GMFG: variants seen among roughly 807,000 people sequenced by gnomAD.
The protein encoded by GMFG is glia maturation factor gamma.
GMFG carries 21 observed loss-of-function variants against 26.1 expected under a neutral mutation model. The observed-to-expected ratio is 0.80, with a 90% CI of 0.57 to 1.16. GMFG has a LOEUF of 1.16. GMFG is among the 50% of genes most tolerant of loss of function. The pLI, the probability that GMFG is intolerant of heterozygous loss-of-function variation, is 0.00. For missense variants in GMFG, 161 were observed against 178.3 expected (o/e 0.90, Z 0.55); for synonymous variants, 65 against 60.8 (o/e 1.07, Z -0.32).
intron 6 of GMFG, 58 bp downstream of exon 6, chr19:39,328,942 A>G (rs1380675684): frequency 2.4e-6 from 3 of 1,236,868 alleles, no homozygotes; most frequent in Middle Eastern, 1.9e-4. Flanking sequence ...CTCTTCCCTC[A>G]GACCCAGGAC....
Position 39,336,027 on chromosome 19 carries a change from G to A in GMFG, c.-51C>T, listed in dbSNP as rs757388319. 15 of 1,549,478 alleles carry A rather than the reference G, an allele frequency of 9.7e-6. No individual in the cohort carries two copies. Among genetic ancestry groups the A allele is most frequent in the Non-Finnish European group, 1.3e-5 (15 of 1,121,662 alleles). On this transcript the variant is annotated 5_prime_UTR_variant, in exon 1 of 7. Coordinates refer to ENST00000597595, the MANE Select transcript of GMFG (RefSeq NM_004877.4). ...TTTTCTTAGTTCCGCTGTCTTCTAGGCGTGGGGACCGGGGCTGTAGGGGGG... is the reference window on the plus strand; with the variant it reads ...TTTTCTTAGTTCCGCTGTCTTCTAGACGTGGGGACCGGGGCTGTAGGGGGG...
At chr19:39,330,595 A>T (rs1385842943) in intron 4 of GMFG, among the ~76,000 whole-genome samples, 1 of 131,456 alleles carries the variant, frequency 7.6e-6, no homozygotes, top group Non-Finnish European at 1.6e-5. Context: ...TGCCCAGCTA[A>T]TTTTTTTTTT....
At chr19:39,332,620 C>T (rs2075231235) in intron 4 of GMFG, among the ~76,000 whole-genome samples, 1 of 144,246 alleles carries the variant, frequency 6.9e-6, no homozygotes, top group Non-Finnish European at 1.5e-5. Flanking sequence ...ACAAAAAGTT[C>T]TAGAGTATGA....
At chr19:39,335,344 C>G (rs780369417) in intron 2 of GMFG, 34 bp from the exon 3 acceptor site, 1 of 1,597,112 alleles carries the variant, frequency 6.3e-7, no homozygotes, top group South Asian at 1.1e-5. Context: ...ATTAGACACT[C>G]CCCCTGATCC....
At position 39,335,305 on chromosome 19, in the gene GMFG, C is replaced by T; in HGVS notation, c.106G>A (p.Val36Met). The change falls in exon 3 of 7, where the codon GTG becomes ATG. Residue 36 changes from valine (V) to methionine (M), a missense_variant. By Grantham distance (21) the Val-to-Met change is conservative. Transcript: ENST00000597595. ...ETDNAAIIMK[V>M]DKDRQMVVLE... The stretch of plus-strand genomic sequence containing the variant: ...ACCACCATCTGCCGGTCTTTGTCCA[C>T]CTTCACTGGGGAGGGGTGGCACACA... 1.9e-6 allele frequency: 3 copies of T among 1,572,152 alleles called. No individual in the cohort carries two copies. The highest frequency in any genetic ancestry group is 1.3e-5 in the African/African-American group (1 of 74,350).
At chr19:39,333,010 T>C (rs773985100) in intron 4 of GMFG, 67 bp downstream of exon 4, 71 of 1,072,212 alleles carry the variant, frequency 6.6e-5, no homozygotes, top group Non-Finnish European at 9.4e-5. Context: ...AGCAGTCCCT[T>C]AGCCTATACC....
intron 3 of GMFG, among the ~76,000 whole-genome samples, chr19:39,334,479 G>A (rs2075240873): frequency 6.6e-6 from 1 of 151,358 alleles, no homozygotes; most frequent in Admixed American, 6.6e-5. Flanking sequence ...TGTTGCCCAG[G>A]CTGGTCTTAA....
chr19:39,328,560 G>C lies in GMFG; in HGVS notation c.358-12C>G. On this transcript the variant is annotated splice_polypyrimidine_tract_variant and intron_variant, in intron 6 of 6. Transcript: ENST00000597595. The stretch of plus-strand genomic sequence containing the variant: ...CGGATTTCGAACACCTGGGCAGAGA[G>C]AGGTCTCGGCATTATGATCTACTCA... 6.2e-7 allele frequency: 1 copy of C among 1,601,474 alleles called. No homozygotes were observed.
At chr19:39,328,599 T>A in intron 6 of GMFG, 51 bp from the exon 7 acceptor site, 2 of 1,380,332 alleles carry the variant, frequency 1.4e-6, no homozygotes, top group Non-Finnish European at 2.1e-6. Context: ...ACTGAGACAG[T>A]GGCTGGGCAC....
Position 39,328,992 on chromosome 19 carries a change from G to A in GMFG, c.357+8C>T, listed in dbSNP as rs2075215061. 1.2e-6 allele frequency: 2 copies of A among 1,602,612 alleles called. No individual in the cohort carries two copies. Among genetic ancestry groups the A allele is most frequent in the Middle Eastern group, 1.7e-4 (1 of 6,040 alleles). On this transcript the variant is annotated splice_region_variant and intron_variant, in intron 6 of 6. Transcript: ENST00000597595. Reference sequence around the variant, plus strand: ...CCTAACACTCTGGAGCCCCATCCCAGTCTGAACCTTTGTGAGCTCTGCTGT... The same window carrying A: ...CCTAACACTCTGGAGCCCCATCCCAATCTGAACCTTTGTGAGCTCTGCTGT...
chr19:39,333,129 G>C lies in GMFG; in HGVS notation c.151-3C>G. 1.3e-6 allele frequency: 2 copies of C among 1,582,070 alleles called. No homozygotes were observed. The highest frequency in any genetic ancestry group is 2.2e-5 in the South Asian group (2 of 90,252). ...TTGAGCTCCTCTGGGGAAATGTTCTGAGGCAAGAAAACAGAAGAAAAGACA... is the reference window on the plus strand; with the variant it reads ...TTGAGCTCCTCTGGGGAAATGTTCTCAGGCAAGAAAACAGAAGAAAAGACA... On this transcript the variant is annotated splice_region_variant and splice_polypyrimidine_tract_variant and intron_variant, in intron 3 of 6. Coordinates refer to ENST00000597595, the MANE Select transcript of GMFG (RefSeq NM_004877.4).
chr19:39,334,017 CTT>C (rs71169586), intron 3 of GMFG, among the ~76,000 whole-genome samples: 96 of 94,934 alleles, frequency 1.0e-3, no homozygotes, highest in African/African-American at 3.4e-3. Flanking sequence ...GAGATGGAGT[CTT>C]TTTTTTTTTT....
chr19:39,329,404 A>G, intron 5 of GMFG, 140 bp downstream of exon 5: 1 of 667,348 alleles, frequency 1.5e-6, no homozygotes, highest in Non-Finnish European at 2.8e-6. Flanking sequence ...TGCGACACAC[A>G]CACATCCTCA....
intron 6 of GMFG, 51 bp from the exon 7 acceptor site, chr19:39,328,599 T>C: frequency 1.4e-6 from 2 of 1,380,336 alleles, no homozygotes; most frequent in Non-Finnish European, 1.0e-6. Flanking sequence ...ACTGAGACAG[T>C]GGCTGGGCAC....
At chr19:39,332,953 T>A (rs1164578334) in intron 4 of GMFG, 124 bp downstream of exon 4, 2 of 563,652 alleles carry the variant, frequency 3.5e-6, no homozygotes, top group East Asian at 4.7e-5. Flanking sequence ...GCCACCTCAC[T>A]CGGCCAAACA....
At chr19:39,328,677 G>C in intron 6 of GMFG, 129 bp from the exon 7 acceptor site, 2 of 697,012 alleles carry the variant, frequency 2.9e-6, no homozygotes, top group Non-Finnish European at 5.2e-6. Context: ...TCAGGAGTTC[G>C]AGACCAGCCT....
intron 4 of GMFG, among the ~76,000 whole-genome samples, chr19:39,329,931 T>C (rs2075219816): frequency 1.3e-5 from 2 of 151,890 alleles, no homozygotes; most frequent in Admixed American, 1.3e-4. Flanking sequence ...ATACAAAAAT[T>C]AGCCTGGAGT....
chr19:39,335,903 G>C, intron 1 of GMFG, 71 bp downstream of exon 1: 1 of 1,071,446 alleles, frequency 9.3e-7, no homozygotes, highest in Non-Finnish European at 1.4e-6. Flanking sequence ...CCTGACCTTC[G>C]CCCAGGTGTC....
Position 39,329,572 on chromosome 19 carries a change from A to C in GMFG, c.255T>G (p.Pro85=), listed in dbSNP as rs2075217944. Reference sequence around the variant, plus strand: ...CAGGGCTGGAGAAGATGAAACACAAAGGGTAGGACACTCGGCCATCGTCAT... The same window carrying C: ...CAGGGCTGGAGAAGATGAAACACAACGGGTAGGACACTCGGCCATCGTCAT... ...YVHDDGRVSY[P]LCFIFSSPVG... Residue 85 remains proline (P), a synonymous_variant, in exon 5 of 7, where the codon CCT becomes CCG. Transcript: ENST00000597595. 6.2e-7 allele frequency: 1 copy of C among 1,609,306 alleles called. No individual in the cohort carries two copies. Among genetic ancestry groups the C allele is most frequent in the Non-Finnish European group, 8.5e-7 (1 of 1,175,650 alleles).
Sources: allele counts gnomAD v4.1 joint callset (sites outside exome capture counted in the v4.1 genomes callset), GRCh38; gene constraint gnomAD v4.1.1; transcripts MANE v1.5; gene names NCBI Gene and HGNC (gene_info 2026-07-23, HGNC 2026-07-21).